The following ODR4 variants were observed in gnomAD, a reference collection of about 807,000 sequenced individuals.
ODR4 encodes odr-4 GPCR localization factor homolog, also known as protein odr-4 homolog.
Under a neutral mutation model 60.2 loss-of-function variants are expected in ODR4, and 47 were observed. The ratio of observed to expected loss-of-function variants is 0.78; its 90% CI spans 0.62 to 1.00. The LOEUF is 1.00. ODR4 is among the 50% of genes least tolerant of loss of function. ODR4 has a pLI of 0.00. For synonymous variants in ODR4, 178 were observed against 175.5 expected (o/e 1.01, Z -0.11); for missense variants, 488 against 530.8 (o/e 0.92, Z 0.79).
At position 186,391,886 on chromosome 1, in the gene ODR4, T is replaced by C. The variant is rs542810143; in HGVS notation, c.711+95T>C. On this transcript the variant is annotated intron_variant, in intron 8 of 13. Coordinates refer to ENST00000287859, the MANE Select transcript of ODR4 (RefSeq NM_017847.6). ...AGTCCTTGCCTACAAGAAAACTGAT[T>C]TCATCTACCTCTCATTTCTGATTTC... 1.1e-4 allele frequency: 77 copies of C among 718,986 alleles called. No homozygotes were observed. In the African/African-American group the frequency reaches 1.3e-3, roughly 12 times the overall value. 44.5% of individuals were successfully genotyped at this position (718,986 alleles called of 1,614,324 possible).
intron 8 of ODR4, among the ~76,000 whole-genome samples, chr1:186,392,946 A>G (rs1660524809): frequency 6.6e-6 from 1 of 152,236 alleles, no homozygotes; most frequent in African/African-American, 2.4e-5. Context: ...TGGAGGTTGC[A>G]TTGAGCCGAG....
chr1:186,422,421 G>A (rs775952168), downstream of ODR4, among the ~76,000 whole-genome samples: 2 of 152,078 alleles, frequency 1.3e-5, no homozygotes, highest in East Asian at 3.8e-4. Flanking sequence ...ATTAGTGAAA[G>A]CATTTTAATG....
rs370145560 is a variant in ODR4 at position 186,400,754 on chromosome 1, A to G, written c.1000+1710A>G. On this transcript the variant is annotated intron_variant, in intron 11 of 13. Transcript: ENST00000287859. ...GGATTCTATGATTGGCAGATTTAAC[A>G]TTTATCCTTCTCGTAATTCACAACC... 13 of 295,318 alleles carry G rather than the reference A, an allele frequency of 4.4e-5. No individual in the cohort carries two copies. In the East Asian group the frequency reaches 1.2e-3, roughly 27 times the overall value. 18.3% of individuals were successfully genotyped at this position (295,318 alleles called of 1,614,324 possible). A position where few individuals can be genotyped will look rare whatever the true frequency, so the allele number is the denominator to read the frequency against.
At chr1:186,407,301 T>C (rs1012570757) in intron 12 of ODR4, among the ~76,000 whole-genome samples, 8 of 151,818 alleles carry the variant, frequency 5.3e-5, no homozygotes, top group Admixed American at 1.3e-4. Context: ...CTGTAGCAGA[T>C]GGAAAGTATC....
At chr1:186,421,879 A>AAAAAAAAAAG (rs59883604), downstream of ODR4, among the ~76,000 whole-genome samples, 4 of 135,132 alleles carry the variant, frequency 3.0e-5, 1 homozygote, top group Admixed American at 1.6e-4. Context: ...AAAAAAAAAA[A>AAAAAAAAAAG]ATGATGAATC....
intron 12 of ODR4, among the ~76,000 whole-genome samples, chr1:186,410,757 T>C (rs1401173690): frequency 6.6e-6 from 1 of 152,230 alleles, no homozygotes; most frequent in Non-Finnish European, 1.5e-5. Flanking sequence ...GGCTCACGCC[T>C]GTAGTCCCAG....
intron 2 of ODR4, among the ~76,000 whole-genome samples, chr1:186,381,604 G>A (rs1408686120): frequency 6.6e-6 from 1 of 152,100 alleles, no homozygotes; most frequent in African/African-American, 2.4e-5. Flanking sequence ...TGGGATTACA[G>A]GCGTGAGCCA....
intron 11 of ODR4, among the ~76,000 whole-genome samples, chr1:186,402,569 T>A (rs79229516): frequency 5.3e-5 from 8 of 151,396 alleles, no homozygotes; most frequent in African/African-American, 1.9e-4. Flanking sequence ...CTGGCTAATT[T>A]TTTTTTTTTT....
chr1:186,424,602 T>C (rs1359466779), downstream of ODR4, among the ~76,000 whole-genome samples: 5 of 151,836 alleles, frequency 3.3e-5, no homozygotes, highest in Non-Finnish European at 5.9e-5. Context: ...TTGATAGGAA[T>C]CAGCTGGGTG....
intron 6 of ODR4, among the ~76,000 whole-genome samples, chr1:186,389,877 T>C (rs1239698736): frequency 6.6e-6 from 1 of 152,224 alleles, no homozygotes; most frequent in African/African-American, 2.4e-5. Context: ...AGCCTCCACC[T>C]CTTGGGCTCG....
At chr1:186,388,269 C>T (rs1571667944) in intron 4 of ODR4, among the ~76,000 whole-genome samples, 173 bp from the exon 5 acceptor site, 2 of 152,150 alleles carry the variant, frequency 1.3e-5, no homozygotes, top group South Asian at 2.1e-4. Flanking sequence ...ATCACTTGAG[C>T]CCAGGTGTTC....
At chr1:186,408,967 A>G (rs1359446016) in intron 12 of ODR4, among the ~76,000 whole-genome samples, 1 of 151,984 alleles carries the variant, frequency 6.6e-6, no homozygotes, top group African/African-American at 2.4e-5. Flanking sequence ...GACTAGTTTA[A>G]GACTGTTTTA....
At chr1:186,429,151 T>C in the ODR4 span, among the ~76,000 whole-genome samples, 6 of 152,036 alleles carry the variant, frequency 3.9e-5, no homozygotes, top group Non-Finnish European at 8.8e-5. Context: ...CTTGGGAGAC[T>C]GAGGTGGGAA....
chr1:186,418,988 C>A, intron 13 of ODR4, 21 bp from the exon 14 acceptor site: 1 of 1,590,500 alleles, frequency 6.3e-7, no homozygotes, highest in Non-Finnish European at 8.6e-7. Context: ...TTCATTTGTT[C>A]TGTGTTTGTT....
At position 186,420,025 on chromosome 1, in the gene ODR4, G is replaced by T. The variant is rs1661721758; in HGVS notation, c.*949G>T. 1 of 152,086 alleles carries T rather than the reference G, an allele frequency of 6.6e-6. No homozygotes were observed. The highest frequency in any genetic ancestry group is 1.5e-5 in the Non-Finnish European group (1 of 68,012). The allele number at this position is 152,086 out of a possible 1,614,324, so 9.4% of individuals were successfully genotyped here. A position where few individuals can be genotyped will look rare whatever the true frequency, so the allele number is the denominator to read the frequency against. On this transcript the variant is annotated 3_prime_UTR_variant, in exon 14 of 14. Coordinates refer to ENST00000287859, the MANE Select transcript of ODR4 (RefSeq NM_017847.6). ...TATAAAATTAAGACTTTTGCTTCCA[G>T]CAAGTATGTTAGACTAGATATTATA...
chr1:186,399,124 A>G (rs2102055860), intron 11 of ODR4, 80 bp downstream of exon 11: 2 of 867,018 alleles, frequency 2.3e-6, no homozygotes, highest in Non-Finnish European at 3.8e-6. Flanking sequence ...CAGATACGTC[A>G]TCTTTTATAG....
intron 12 of ODR4, among the ~76,000 whole-genome samples, chr1:186,415,300 A>G (rs1396421138): frequency 6.6e-6 from 1 of 152,168 alleles, no homozygotes; most frequent in African/African-American, 2.4e-5. Context: ...TTAGTATCAT[A>G]TATACCTATT....
chr1:186,420,975 A>C lies in ODR4; in HGVS notation c.*1899A>C, dbSNP rs1480040246. The stretch of plus-strand genomic sequence containing the variant: ...TGTAAATGACAAGATACCAAATACA[A>C]GATTTTAAAAGCAACCATGGGGAGA... On this transcript the variant is annotated 3_prime_UTR_variant, in exon 14 of 14. Transcript: ENST00000287859. 1 of 152,230 alleles carries C rather than the reference A, an allele frequency of 6.6e-6. No homozygotes were observed. Among genetic ancestry groups the C allele is most frequent in the Non-Finnish European group, 1.5e-5 (1 of 68,038 alleles). The allele number at this position is 152,230 out of a possible 1,614,324, so 9.4% of individuals were successfully genotyped here.
At chr1:186,409,184 C>A (rs1242050074) in intron 12 of ODR4, among the ~76,000 whole-genome samples, 3 of 148,670 alleles carry the variant, frequency 2.0e-5, no homozygotes, top group Non-Finnish European at 3.0e-5. Flanking sequence ...CAGAGTAGGA[C>A]CCTGTCTCAA....
Sources: gnomAD v4.1 joint callset for allele counts (sites outside exome capture counted in the v4.1 genomes callset) on GRCh38, gnomAD v4.1.1 for gene constraint, MANE v1.5 for transcripts, NCBI Gene and HGNC (gene_info 2026-07-23, HGNC 2026-07-21) for gene names.